PAK1: variants seen among roughly 807,000 people sequenced by gnomAD.
PAK1 encodes the protein serine/threonine-protein kinase PAK 1.
In PAK1, 29 loss-of-function variants were observed where a neutral mutation model predicts 67.4. The ratio of observed to expected loss-of-function variants is 0.43; its 90% CI spans 0.32 to 0.59. The LOEUF (loss-of-function observed/expected upper bound fraction) is 0.59, where lower values mean the gene tolerates loss of function less well. Ranked by LOEUF, PAK1 falls within the 20% of genes least tolerant of loss-of-function variation. The pLI is 0.07. For synonymous variants in PAK1, 223 were observed against 237.4 expected, an observed-to-expected ratio of 0.94 and a Z score of 0.56; for missense variants, 337 against 670.7, an observed-to-expected ratio of 0.50 and a Z score of 5.50.
At chr11:77,387,933 A>C (rs1466822393) in intron 2 of PAK1, among the ~76,000 whole-genome samples, 2 of 151,786 alleles carry the variant, frequency 1.3e-5, no homozygotes, top group Non-Finnish European at 2.9e-5. Flanking sequence ...TGGTTGATCA[A>C]AGGCTCCAAA....
At chr11:77,451,834 G>C (rs1364386913) in intron 1 of PAK1, among the ~76,000 whole-genome samples, 1 of 142,748 alleles carries the variant, frequency 7.0e-6, no homozygotes, top group Non-Finnish European at 1.5e-5. Context: ...CCTGACCTCA[G>C]GTGATCCGCC....
At chr11:77,393,340 G>C (rs929148979) in intron 1 of PAK1, among the ~76,000 whole-genome samples, 1 of 150,894 alleles carries the variant, frequency 6.6e-6, no homozygotes, top group African/African-American at 2.4e-5. Flanking sequence ...GTTACCCCAG[G>C]CTGGAGTGCA....
intron 1 of PAK1, among the ~76,000 whole-genome samples, chr11:77,473,073 T>C (rs1437011625): frequency 6.6e-6 from 1 of 152,206 alleles, no homozygotes; most frequent in African/African-American, 2.4e-5. Flanking sequence ...CAGCCCTTAT[T>C]TTTCAGGGAG....
the PAK1 span, among the ~76,000 whole-genome samples, chr11:77,484,643 T>C: frequency 6.6e-6 from 1 of 152,228 alleles, no homozygotes; most frequent in Non-Finnish European, 1.5e-5. Flanking sequence ...TTATGGAGAC[T>C]GGGTTTTCCT....
At chr11:77,390,130 T>C (rs939689624) in intron 2 of PAK1, among the ~76,000 whole-genome samples, 1 of 152,232 alleles carries the variant, frequency 6.6e-6, no homozygotes, top group Admixed American at 6.5e-5. Flanking sequence ...ACCAAGGAAG[T>C]TGGCAGCTAC....
rs531287325 is a variant in PAK1, at chr11:77,360,309, G to A, written c.478-1292C>T. Among the ~76,000 whole-genome samples, 10 of 152,234 alleles carry A rather than the reference G, an allele frequency of 6.6e-5. No individual in the cohort carries two copies. In the East Asian group the frequency reaches 1.9e-3, roughly 29 times the overall value. The stretch of plus-strand genomic sequence containing the variant: ...TATATAAGCAGTTGTGGTGACCATA[G>A]GCAATAAATCTGTCCTCTTGGTTTG... On this transcript the variant is annotated intron_variant, in intron 5 of 14. Coordinates refer to ENST00000356341, the MANE Select transcript of PAK1 (RefSeq NM_002576.5).
At chr11:77,436,825 C>A (rs1956148938) in intron 1 of PAK1, among the ~76,000 whole-genome samples, 1 of 152,200 alleles carries the variant, frequency 6.6e-6, no homozygotes, top group African/African-American at 2.4e-5. Flanking sequence ...CTCAGTATTT[C>A]TTTGCTGTAC....
chr11:77,505,824 T>C, the PAK1 span, among the ~76,000 whole-genome samples: 1 of 152,230 alleles, frequency 6.6e-6, no homozygotes, highest in African/African-American at 2.4e-5. Context: ...GGCTTCTCAG[T>C]ACATTTTAAA....
At chr11:77,475,072 G>A (rs1958036991), upstream of PAK1, 1 of 152,036 alleles carries the variant, frequency 6.6e-6, no homozygotes, top group African/African-American at 2.4e-5. Flanking sequence ...TTTTACCATG[G>A]TAATAGTAAC....
intron 6 of PAK1, among the ~76,000 whole-genome samples, chr11:77,357,461 C>T (rs959885734): frequency 6.6e-6 from 1 of 152,186 alleles, no homozygotes; most frequent in Admixed American, 6.5e-5. Flanking sequence ...TAAACCTGTA[C>T]TTCCATGCCT....
chr11:77,353,434 G>C, intron 8 of PAK1, 102 bp downstream of exon 8: 1 of 780,856 alleles, frequency 1.3e-6, no homozygotes, highest in Admixed American at 2.0e-5. Context: ...AGTGGAGAAA[G>C]AAGAACAAGG....
chr11:77,453,726 G>C (rs972136992), intron 1 of PAK1, among the ~76,000 whole-genome samples: 1 of 152,150 alleles, frequency 6.6e-6, no homozygotes, highest in Non-Finnish European at 1.5e-5. Flanking sequence ...CCCAGGGTAA[G>C]ACTGCAGAGC....
chr11:77,528,997 C>G, the PAK1 span, among the ~76,000 whole-genome samples: 53 of 152,304 alleles, frequency 3.5e-4, no homozygotes, highest in South Asian at 8.5e-3. Flanking sequence ...TCAGCCTCAT[C>G]TATCTATTGC....
chr11:77,437,521 C>G (rs1956179131), intron 1 of PAK1, among the ~76,000 whole-genome samples: 1 of 152,154 alleles, frequency 6.6e-6, no homozygotes, highest in Admixed American at 6.5e-5. Context: ...CACTGGTTCT[C>G]AACAAAAGTT....
intron 1 of PAK1, chr11:77,473,227 G>C (rs1957951295): frequency 6.6e-6 from 1 of 152,394 alleles, no homozygotes; most frequent in Non-Finnish European, 1.5e-5. Flanking sequence ...ACTCGGTCCC[G>C]GACCGGTACT....
intron 1 of PAK1, among the ~76,000 whole-genome samples, chr11:77,442,905 T>G (rs73494597): frequency 0.029 from 4,377 of 152,248 alleles, 197 homozygotes; most frequent in African/African-American, 0.099. Context: ...GGTGACCTTG[T>G]GCAATTCATT....
At chr11:77,399,048 C>T (rs1952230657) in intron 1 of PAK1, among the ~76,000 whole-genome samples, 1 of 152,114 alleles carries the variant, frequency 6.6e-6, no homozygotes, top group Non-Finnish European at 1.5e-5. Context: ...GGTATGTACA[C>T]CTTTTGCTGC....
chr11:77,428,447 C>T (rs1955672379), intron 1 of PAK1, among the ~76,000 whole-genome samples: 1 of 151,958 alleles, frequency 6.6e-6, no homozygotes, highest in Non-Finnish European at 1.5e-5. Flanking sequence ...TGGCAGACGC[C>T]TGTAGCCCCA....
At chr11:77,500,903 G>A in the PAK1 span, among the ~76,000 whole-genome samples, 2 of 152,010 alleles carry the variant, frequency 1.3e-5, no homozygotes, top group Non-Finnish European at 2.9e-5. Context: ...CTAGCCTCTG[G>A]GCTCCTGGCT....
Sources: allele counts gnomAD v4.1 joint callset (sites outside exome capture counted in the v4.1 genomes callset), GRCh38; gene constraint gnomAD v4.1.1; transcripts MANE v1.5; gene names NCBI Gene and HGNC (gene_info 2026-07-23, HGNC 2026-07-21).